Variants in CPLANE2 observed in about 807,000 individuals in gnomAD.
CPLANE2 encodes ciliogenesis and planar polarity effector 2.
A neutral mutation model predicts 20.9 loss-of-function variants in CPLANE2; 24 were observed. The ratio of observed to expected loss-of-function variants is 1.15; its 90% CI spans 0.83 to 1.61. The LOEUF (loss-of-function observed/expected upper bound fraction) is 1.61. CPLANE2 is among the 40% of genes most tolerant of loss of function. CPLANE2 has a pLI of 0.00. For synonymous variants in CPLANE2, 132 were observed against 144.3 expected, an observed-to-expected ratio of 0.92 and a Z score of 0.61; for missense variants, 330 against 355.1, an observed-to-expected ratio of 0.93 and a Z score of 0.57.
intron 1 of CPLANE2, among the ~76,000 whole-genome samples, 198 bp from the exon 2 acceptor site, chr1:16,233,962 C>T (rs765289136): frequency 2.1e-4 from 32 of 152,146 alleles, no homozygotes; most frequent in South Asian, 8.3e-4. Flanking sequence ...CCAGTTTGGG[C>T]GCCTCTTGCT....
intron 1 of CPLANE2, among the ~76,000 whole-genome samples, chr1:16,234,875 G>T (rs958801369): frequency 1.3e-5 from 2 of 152,094 alleles, no homozygotes; most frequent in East Asian, 1.9e-4. Context: ...TTATAGGCAT[G>T]CGCCACCATG....
In CPLANE2 at chr1:16,235,677, CTTTTTTTTTT is replaced by C. The variant is rs34360746; in HGVS notation, c.112+944_112+953del. 3.4e-5 allele frequency among the ~76,000 whole-genome samples: 4 copies of C among 117,280 alleles called. No homozygotes were observed. In the East Asian group the frequency reaches 9.5e-4, roughly 28 times the overall value. The allele number at this position is 117,280 out of a possible 152,430, so 76.9% of individuals were successfully genotyped here. A position where few individuals can be genotyped will look rare whatever the true frequency, so the allele number is the denominator to read the frequency against. ...AGGGACAGTGGCCATATTAGAGGGT[CTTTTTTTTTT>C]TTTTTTTTTTGAGACGGAGTTTCAC... On this transcript the variant is annotated intron_variant, in intron 1 of 4. Transcript: ENST00000375599.
chr1:16,236,783 G>A lies in CPLANE2; in HGVS notation c.-41C>T. The A allele has an allele frequency of 2.1e-6, 3 of 1,405,572 alleles. No individual in the cohort carries two copies. Among genetic ancestry groups the A allele is most frequent in the Non-Finnish European group, 3.0e-6 (3 of 1,015,588 alleles). The allele number at this position is 1,405,572 out of a possible 1,614,324, so 87.1% of individuals were successfully genotyped here. ...CGGGGTAGGGAGGTGACAGAATGCT[G>A]AGAGCAGGGAGTGGGAAGGGGAGTG... On this transcript the variant is annotated 5_prime_UTR_variant, in exon 1 of 5. Transcript: ENST00000375599.
intron 1 of CPLANE2, among the ~76,000 whole-genome samples, chr1:16,234,741 T>G (rs1482530594): frequency 6.6e-6 from 1 of 150,792 alleles, no homozygotes; most frequent in East Asian, 1.9e-4. Context: ...TTCTTTTTTG[T>G]TTTTTTTTGA....
chr1:16,231,972 A>C lies in CPLANE2; in HGVS notation c.*76T>G. 6.4e-7 allele frequency: 1 copy of C among 1,550,894 alleles called. No individual in the cohort carries two copies. Among genetic ancestry groups the C allele is most frequent in the Non-Finnish European group, 8.7e-7 (1 of 1,146,000 alleles). On this transcript the variant is annotated 3_prime_UTR_variant, in exon 5 of 5. Coordinates refer to ENST00000375599, the MANE Select transcript of CPLANE2 (RefSeq NM_030907.4). Reference sequence around the variant, plus strand: ...CTGGCCAGTCCTCCAGATAGGATCCATGTTCCTGCCCCAGCCTCCAGCCCT... The same window carrying C: ...CTGGCCAGTCCTCCAGATAGGATCCCTGTTCCTGCCCCAGCCTCCAGCCCT...
rs1362853567 is a variant in CPLANE2 at position 16,237,115 on chromosome 1, C to G, written c.-373G>C. The G allele has an allele frequency of 6.1e-6, 1 of 164,492 alleles. No individual in the cohort carries two copies. The highest frequency in any genetic ancestry group is 2.4e-5 in the African/African-American group (1 of 41,838). The allele number at this position is 164,492 out of a possible 1,614,324, so 10.2% of individuals were successfully genotyped here. On this transcript the variant is annotated 5_prime_UTR_variant, in exon 1 of 5. Coordinates refer to ENST00000375599, the MANE Select transcript of CPLANE2 (RefSeq NM_030907.4). ...GCCCCTTTAAACGCCCACCCGCACT[C>G]CCGCCGCCCCAGCCCGCCGGGCCCA...
At position 16,232,506 on chromosome 1, in the gene CPLANE2, A is replaced by G; in HGVS notation, c.527+4T>C. On this transcript the variant is annotated splice_donor_region_variant and intron_variant, in intron 4 of 4. Coordinates refer to ENST00000375599, the MANE Select transcript of CPLANE2 (RefSeq NM_030907.4). Reference sequence around the variant, plus strand: ...GTGACTTGCCAAGGATATCCAAAGGATACTTGGAGCCGATGACCATCCTGA... The same window carrying G: ...GTGACTTGCCAAGGATATCCAAAGGGTACTTGGAGCCGATGACCATCCTGA... 1.2e-6 allele frequency: 2 copies of G among 1,613,444 alleles called. No homozygotes were observed. Among genetic ancestry groups the G allele is most frequent in the Non-Finnish European group, 1.7e-6 (2 of 1,179,688 alleles).
At chr1:16,232,480 C>T (rs116630059) in intron 4 of CPLANE2, 30 bp downstream of exon 4, 48,900 of 1,609,612 alleles carry the variant, frequency 0.03, 880 homozygotes, top group Non-Finnish European at 0.035. Flanking sequence ...CCCCTGGCTC[C>T]GTGACTTGCC....
intron 2 of CPLANE2, among the ~76,000 whole-genome samples, chr1:16,233,268 T>A (rs1323103740): frequency 6.6e-6 from 1 of 152,130 alleles, no homozygotes; most frequent in East Asian, 1.9e-4. Context: ...CGTTTGTATG[T>A]CCAGGGAGAC....
At chr1:16,234,762 C>G (rs150591848) in intron 1 of CPLANE2, among the ~76,000 whole-genome samples, 2 of 151,804 alleles carry the variant, frequency 1.3e-5, no homozygotes, top group Admixed American at 1.3e-4. Context: ...GACGGAGTTT[C>G]GCTTTTGTTG....
Position 16,233,677 on chromosome 1 carries a change from CCCA to C in CPLANE2, c.197_199del (p.Val66del). 6.2e-7 allele frequency: 1 copy of C among 1,614,194 alleles called. No individual in the cohort carries two copies. Among genetic ancestry groups the C allele is most frequent in the Non-Finnish European group, 8.5e-7 (1 of 1,180,040 alleles). ...CAGCTTGGCCACCAGCGCCGTCTTG[CCCA>C]CACCACTCTTCCCGGACACAAAGAT... is the stretch of plus-strand genomic sequence containing the variant. On this transcript the variant is annotated inframe_deletion, in exon 2 of 5. Coordinates refer to ENST00000375599, the MANE Select transcript of CPLANE2 (RefSeq NM_030907.4).
rs1372362384 is a variant in CPLANE2, at chr1:16,236,770, G to A, written c.-28C>T. The A allele has an allele frequency of 1.1e-5, 17 of 1,488,164 alleles. No individual in the cohort carries two copies. In the East Asian group the frequency reaches 3.7e-4, roughly 32 times the overall value. 92.2% of individuals were successfully genotyped at this position (1,488,164 alleles called of 1,614,324 possible). On this transcript the variant is annotated 5_prime_UTR_variant, in exon 1 of 5. Transcript: ENST00000375599. Reference sequence around the variant, plus strand: ...CTGGGCACCGCGACGGGGTAGGGAGGTGACAGAATGCTGAGAGCAGGGAGT... The same window carrying A: ...CTGGGCACCGCGACGGGGTAGGGAGATGACAGAATGCTGAGAGCAGGGAGT...
intron 4 of CPLANE2, 85 bp from the exon 5 acceptor site, chr1:16,232,382 ACCCAGGAG>A: frequency 6.5e-7 from 1 of 1,527,174 alleles, no homozygotes; most frequent in Non-Finnish European, 8.8e-7. Flanking sequence ...TGGAGCCCAC[ACCCAGGAG>A]CTGGGGTAGC....
Position 16,231,807 on chromosome 1 carries a change from G to T in CPLANE2, c.*241C>A. On this transcript the variant is annotated 3_prime_UTR_variant, in exon 5 of 5. Coordinates refer to ENST00000375599, the MANE Select transcript of CPLANE2 (RefSeq NM_030907.4). ...CCCCCTCTCCCAGTCATCCTCCATC[G>T]GTGCTGCCAAAGGGGGAAAGGCCAC... 1 of 577,252 alleles carries T rather than the reference G, an allele frequency of 1.7e-6. No homozygotes were observed. Among genetic ancestry groups the T allele is most frequent in the Non-Finnish European group, 3.0e-6 (1 of 328,268 alleles). The allele number at this position is 577,252 out of a possible 1,614,324, so 35.8% of individuals were successfully genotyped here. A position where few individuals can be genotyped will look rare whatever the true frequency, so the allele number is the denominator to read the frequency against.
rs764939463 is a variant in CPLANE2 at position 16,232,938 on chromosome 1, C to T, written c.345G>A (p.Trp115Ter). 4 of 1,614,160 alleles carry T rather than the reference C, an allele frequency of 2.5e-6. No individual in the cohort carries two copies. Among genetic ancestry groups the T allele is most frequent in the Non-Finnish European group, 3.4e-6 (4 of 1,180,028 alleles). ...TTTTGAGTGCAGACTCTCCACAGTC[C>T]CAGAACTCAAAACGAAACATGACGA... The part of the protein sequence containing the change: ...SRVVMFRFEF[W>*]DCGESALKKF... Residue 115 changes from tryptophan to a stop codon, truncating the protein, a stop_gained, in exon 3 of 5, where the codon TGG (tryptophan) becomes TGA (stop). Coordinates refer to ENST00000375599, the MANE Select transcript of CPLANE2 (RefSeq NM_030907.4). LOFTEE classifies it high-confidence loss of function.
chr1:16,232,721 C>T, intron 3 of CPLANE2, 75 bp from the exon 4 acceptor site: 12 of 1,588,654 alleles, frequency 7.6e-6, no homozygotes, highest in Non-Finnish European at 8.6e-6. Flanking sequence ...GGAATAATCC[C>T]TCCTTTCACA....
chr1:16,236,428 C>G (rs2081466156), intron 1 of CPLANE2, among the ~76,000 whole-genome samples: 1 of 152,202 alleles, frequency 6.6e-6, no homozygotes, highest in Non-Finnish European at 1.5e-5. Context: ...CTGGCTCTGA[C>G]GATGGAATTA....
At chr1:16,232,805 C>G (rs1299869023) in intron 3 of CPLANE2, 88 bp downstream of exon 3, 7 of 1,571,438 alleles carry the variant, frequency 4.5e-6, no homozygotes, top group Non-Finnish European at 5.2e-6. Context: ...GTCTCCAGTG[C>G]CAGCTCAGGT....
At chr1:16,232,792 A>C in intron 3 of CPLANE2, 101 bp downstream of exon 3, 5 of 1,569,062 alleles carry the variant, frequency 3.2e-6, no homozygotes, top group Non-Finnish European at 1.7e-6. Context: ...ATGGGCTGGG[A>C]CTGTCTCCAG....
Sources: gnomAD v4.1 joint callset for allele counts (sites outside exome capture counted in the v4.1 genomes callset) on GRCh38, gnomAD v4.1.1 for gene constraint, MANE v1.5 for transcripts, NCBI Gene and HGNC (gene_info 2026-07-23, HGNC 2026-07-21) for gene names.